CCDC88A: variants seen among roughly 807,000 people sequenced by gnomAD.
CCDC88A encodes coiled-coil and HOOK domain protein 88A, also known as girdin.
A neutral mutation model predicts 234.3 loss-of-function variants in CCDC88A; 54 were observed. The ratio of observed to expected loss-of-function variants is 0.23; its 90% CI spans 0.19 to 0.29. CCDC88A has a LOEUF of 0.29. Ranked by LOEUF, CCDC88A falls within the 10% of genes least tolerant of loss-of-function variation. The pLI, the probability that CCDC88A is intolerant of heterozygous loss-of-function variation, is 1.00. For synonymous variants in CCDC88A, 753 were observed against 737.8 expected (o/e 1.02, Z -0.33); for missense variants, 1,832 against 2,123.4 (o/e 0.86, Z 2.70).
chr2:55,361,017 C>T (rs150102015), intron 7 of CCDC88A, among the ~76,000 whole-genome samples: 1,726 of 151,928 alleles, frequency 0.011, 23 homozygotes, highest in African/African-American at 0.032. Flanking sequence ...ACCTGGGAGA[C>T]GGGGGTTGCA....
intron 27 of CCDC88A, 128 bp downstream of exon 27, chr2:55,301,744 T>G: frequency 1.3e-6 from 1 of 774,982 alleles, no homozygotes; most frequent in Non-Finnish European, 2.1e-6. Context: ...TTCCTCCAAA[T>G]CCAATACAGA....
At chr2:55,411,252 T>C (rs760852145) in intron 2 of CCDC88A, among the ~76,000 whole-genome samples, 64 of 152,210 alleles carry the variant, frequency 4.2e-4, no homozygotes, top group Non-Finnish European at 6.9e-4. Flanking sequence ...AAAGAACTGG[T>C]CTTCCTTTCC....
intron 5 of CCDC88A, among the ~76,000 whole-genome samples, chr2:55,370,474 T>A (rs1672650067): frequency 6.6e-6 from 1 of 151,244 alleles, no homozygotes; most frequent in Non-Finnish European, 1.5e-5. Context: ...AAACCCTGTC[T>A]CTACTAAAAA....
At chr2:55,301,357 G>T in intron 27 of CCDC88A, 80 bp from the exon 28 acceptor site, 4 of 734,578 alleles carry the variant, frequency 5.4e-6, no homozygotes, top group Non-Finnish European at 8.8e-6. Context: ...ATAGAATATG[G>T]AAATTGTTTT....
chr2:55,407,941 C>T (rs1415727270), intron 2 of CCDC88A, among the ~76,000 whole-genome samples: 3 of 150,830 alleles, frequency 2.0e-5, no homozygotes, highest in African/African-American at 7.3e-5. Context: ...TGGTCTCGAA[C>T]TTCTGACCTC....
At chr2:55,405,035 T>A (rs908903721) in intron 2 of CCDC88A, 1 of 152,250 alleles carries the variant, frequency 6.6e-6, no homozygotes, top group African/African-American at 2.4e-5. Flanking sequence ...AGCCGCAAAA[T>A]AGTTTTTAAA....
intron 3 of CCDC88A, among the ~76,000 whole-genome samples, chr2:55,377,032 C>G (rs11676694): frequency 0.15 from 22,563 of 151,980 alleles, 2,168 homozygotes; most frequent in Non-Finnish European, 0.22. Flanking sequence ...CAGGGTTTCA[C>G]CATCTTGGCC....
At chr2:55,374,510 T>C (rs894064532) in intron 4 of CCDC88A, among the ~76,000 whole-genome samples, 15 of 152,228 alleles carry the variant, frequency 9.9e-5, no homozygotes, top group African/African-American at 1.7e-4. Context: ...TAATATTCTT[T>C]TAAGTTTGTA....
At chr2:55,412,869 A>G (rs1250318238) in intron 2 of CCDC88A, among the ~76,000 whole-genome samples, 2 of 152,176 alleles carry the variant, frequency 1.3e-5, no homozygotes, top group African/African-American at 4.8e-5. Context: ...ACTAAAGATC[A>G]TACAGCTATA....
At chr2:55,416,856 A>C (rs2105010483) in intron 2 of CCDC88A, 1 of 152,176 alleles carries the variant, frequency 6.6e-6, no homozygotes, top group African/African-American at 2.4e-5. Flanking sequence ...TAATTTATTA[A>C]GATAAATTTG....
At position 55,419,071 on chromosome 2, in the gene CCDC88A, G is replaced by T. The variant is rs1288432286; in HGVS notation, c.9C>A (p.Asn3Lys). The part of the protein sequence containing the change: ME[N>K]EIFTPLLEQF... ...GCTCCAGAAGGGGAGTAAAAATTTC[G>T]TTCTCCATTTTACAGAGTATGTATT... The change falls in exon 1 of 33, where the codon AAC (asparagine) becomes AAA (lysine). Residue 3 changes from asparagine to lysine, a missense_variant. Physicochemically the swap from Asn to Lys is moderately conservative, Grantham distance 94. This residue lies in a region of CCDC88A where 36 missense variants were observed against 44.0 expected (regional missense o/e 0.82). Coordinates refer to ENST00000436346, the MANE Select transcript of CCDC88A (RefSeq NM_001365480.1). The T allele has an allele frequency of 2.5e-6, 4 of 1,610,426 alleles. No individual in the cohort carries two copies. In the East Asian group the frequency reaches 8.9e-5, roughly 36 times the overall value.
intron 22 of CCDC88A, chr2:55,314,119 C>CT (rs1252166328): frequency 6.6e-6 from 1 of 152,202 alleles, no homozygotes; most frequent in African/African-American, 2.4e-5. Flanking sequence ...ACTCTCAGAG[C>CT]CCTGCTGGAG....
chr2:55,402,958 G>A lies in CCDC88A; in HGVS notation c.165-14072C>T, dbSNP rs924717790. ...CAGGAGGCAGAGCTTGCAGTGAGCC[G>A]AGATCACGCCACTGCACTCCAGCCT... On this transcript the variant is annotated intron_variant, in intron 2 of 32. Transcript: ENST00000436346. Among the ~76,000 whole-genome samples, 5 of 151,774 alleles carry A rather than the reference G, an allele frequency of 3.3e-5. No homozygotes were observed. The East Asian group carries it at 5.8e-4, about 18-fold the overall frequency.
rs141798228 is a variant in CCDC88A, at chr2:55,311,242, G to A, written c.4079+1192C>T. On this transcript the variant is annotated intron_variant, in intron 23 of 32. Transcript: ENST00000436346. Reference sequence around the variant, plus strand: ...TACATACCCCAGAAAGGACTAAAAGGACTAAAGGTGGAGCCCAAGTTGTCC... The same window carrying A: ...TACATACCCCAGAAAGGACTAAAAGAACTAAAGGTGGAGCCCAAGTTGTCC... 1.3e-4 allele frequency among the ~76,000 whole-genome samples: 20 copies of A among 152,284 alleles called. No individual in the cohort carries two copies. In the East Asian group the frequency reaches 3.7e-3, roughly 28 times the overall value.
intron 31 of CCDC88A, chr2:55,293,996 A>G (rs1679743634): frequency 6.6e-6 from 1 of 151,816 alleles, no homozygotes; most frequent in South Asian, 2.1e-4. Context: ...ACTTGTTTAA[A>G]TGGTTACAAG....
rs577435853 is a variant in CCDC88A at position 55,389,763 on chromosome 2, G to T, written c.165-877C>A. Among the ~76,000 whole-genome samples, 7 of 152,116 alleles carry T rather than the reference G, an allele frequency of 4.6e-5. No individual in the cohort carries two copies. The South Asian group carries it at 1.5e-3, about 32-fold the overall frequency. On this transcript the variant is annotated intron_variant, in intron 2 of 32. Transcript: ENST00000436346. ...TGTGTTAGGAATAAAGACTGAGGTAGGGCACGGTGACTCACGCCTATAATC... is the reference window on the plus strand; with the variant it reads ...TGTGTTAGGAATAAAGACTGAGGTATGGCACGGTGACTCACGCCTATAATC...
intron 2 of CCDC88A, among the ~76,000 whole-genome samples, chr2:55,411,365 C>G (rs185239383): frequency 2.0e-5 from 3 of 152,176 alleles, no homozygotes; most frequent in African/African-American, 7.2e-5. Context: ...TTCACCTGTT[C>G]TTCTCTAGGT....
intron 3 of CCDC88A, among the ~76,000 whole-genome samples, chr2:55,378,304 T>C (rs1374917043): frequency 1.3e-5 from 2 of 152,248 alleles, no homozygotes; most frequent in Admixed American, 6.5e-5. Context: ...TTTTTGTTAA[T>C]ACAATTTCAT....
intron 2 of CCDC88A, among the ~76,000 whole-genome samples, chr2:55,399,331 C>G (rs1477042257): frequency 6.6e-6 from 1 of 151,704 alleles, no homozygotes; most frequent in Non-Finnish European, 1.5e-5. Context: ...TCAAGACCAG[C>G]CTGGCCAAGA....
Sources: allele counts gnomAD v4.1 joint callset (sites outside exome capture counted in the v4.1 genomes callset), GRCh38; gene constraint gnomAD v4.1.1; regional missense constraint gnomAD v4.1.1; transcripts MANE v1.5; gene names NCBI Gene and HGNC (gene_info 2026-07-23, HGNC 2026-07-21).